Variants in ANXA8 observed in about 807,000 individuals in gnomAD.
The protein encoded by ANXA8 is VAC-beta.
In ANXA8, 9 loss-of-function variants were observed where a neutral mutation model predicts 26.8. The observed-to-expected ratio is 0.34, with a 90% CI of 0.20 to 0.59. The LOEUF (loss-of-function observed/expected upper bound fraction) is 0.59, where lower values mean the gene tolerates loss of function less well. Ranked by LOEUF, ANXA8 falls within the 20% of genes least tolerant of loss-of-function variation. The probability of loss-of-function intolerance (pLI) is 0.84; values close to 1 mark genes in which losing one functional copy is unlikely to be tolerated. For synonymous variants in ANXA8, 39 were observed against 94.8 expected, an observed-to-expected ratio of 0.41 and a Z score of 3.42; for missense variants, 83 against 238.5, an observed-to-expected ratio of 0.35 and a Z score of 4.29.
At chr10:47,657,239 T>A in the ANXA8 span, among the ~76,000 whole-genome samples, 1 of 151,718 alleles carries the variant, frequency 6.6e-6, no homozygotes, top group Non-Finnish European at 1.5e-5. Flanking sequence ...AATTTGTTTT[T>A]TAAATTTAGA....
At chr10:47,928,936 C>CT in the ANXA8 span, among the ~76,000 whole-genome samples, 129 of 89,504 alleles carry the variant, frequency 1.4e-3, 5 homozygotes, top group African/African-American at 5.8e-3. Context: ...AAAATTAAGT[C>CT]TTTTTTTTTT....
the ANXA8 span, among the ~76,000 whole-genome samples, chr10:47,552,608 A>G: frequency 6.6e-6 from 1 of 151,962 alleles, no homozygotes; most frequent in African/African-American, 2.4e-5. Flanking sequence ...ATGCCTGGAG[A>G]CCCCATGGAC....
the ANXA8 span, among the ~76,000 whole-genome samples, chr10:47,716,131 C>G: frequency 7.3e-6 from 1 of 136,934 alleles, no homozygotes; most frequent in Non-Finnish European, 1.5e-5. Context: ...AGTCTGGTCT[C>G]AAACTCCTGG....
chr10:47,615,566 G>A, the ANXA8 span, among the ~76,000 whole-genome samples: 199 of 70,412 alleles, frequency 2.8e-3, 62 homozygotes, highest in African/African-American at 8.1e-3. Context: ...GAACTAACTC[G>A]CCCAAAGTGG....
chr10:47,548,377 C>T, the ANXA8 span, among the ~76,000 whole-genome samples: 1 of 148,974 alleles, frequency 6.7e-6, no homozygotes, highest in Admixed American at 6.7e-5. Flanking sequence ...TCTCGCCTCA[C>T]CGCAACCTCC....
At chr10:47,700,156 G>A in the ANXA8 span, among the ~76,000 whole-genome samples, 2 of 151,876 alleles carry the variant, frequency 1.3e-5, no homozygotes, top group Non-Finnish European at 2.9e-5. Context: ...TGATACTAAA[G>A]CTCATATGGG....
At chr10:47,558,529 A>ATGTGTGTGTGTGTGTG in the ANXA8 span, among the ~76,000 whole-genome samples, 1 of 141,490 alleles carries the variant, frequency 7.1e-6, no homozygotes, top group Non-Finnish European at 1.5e-5. Flanking sequence ...GGGTTTTAAG[A>ATGTGTGTGTGTGTGTG]TGTGTGTGTG....
At chr10:47,970,834 C>T in the ANXA8 span, among the ~76,000 whole-genome samples, 10 of 151,212 alleles carry the variant, frequency 6.6e-5, no homozygotes, top group African/African-American at 2.4e-4. Context: ...GGGAGGATGG[C>T]GAAGGCTGGG....
chr10:47,521,978 C>T, the ANXA8 span, among the ~76,000 whole-genome samples: 24 of 150,800 alleles, frequency 1.6e-4, no homozygotes, highest in Middle Eastern at 3.4e-3. Context: ...GTAGAGACAG[C>T]GTTTCACCAT....
the ANXA8 span, chr10:47,510,129 C>T: frequency 2.6e-4 from 311 of 1,189,736 alleles, 22 homozygotes; most frequent in African/African-American, 3.8e-3. Flanking sequence ...AAATAATTTC[C>T]GAATAAAGGA....
At chr10:47,944,653 G>A in the ANXA8 span, among the ~76,000 whole-genome samples, 5 of 150,512 alleles carry the variant, frequency 3.3e-5, no homozygotes, top group African/African-American at 7.4e-5. Flanking sequence ...ATTTTATAAA[G>A]AGAAGTTCCC....
the ANXA8 span, among the ~76,000 whole-genome samples, chr10:47,595,277 G>C: frequency 1.4e-5 from 2 of 147,552 alleles, no homozygotes; most frequent in African/African-American, 5.3e-5. Flanking sequence ...TTCTAAATGT[G>C]GACATGAAAG....
At chr10:47,744,423 T>TG in the ANXA8 span, among the ~76,000 whole-genome samples, 186 of 6,376 alleles carry the variant, frequency 0.029, 4 homozygotes, top group East Asian at 0.056. Context: ...GGGGGGGGGT[T>TG]GGGGGGGAGG....
the ANXA8 span, among the ~76,000 whole-genome samples, chr10:47,554,110 A>AAAATAAATAAATAAATAAATAAATAAAT: frequency 7.7e-6 from 1 of 129,906 alleles, no homozygotes; most frequent in Non-Finnish European, 1.6e-5. Context: ...CATCTCTCAA[A>AAAATAAATAAATAAATAAATAAATAAAT]AAATAAATAA....
upstream of ANXA8, among the ~76,000 whole-genome samples, chr10:47,484,980 G>C (rs1840005981): frequency 6.8e-6 from 1 of 147,846 alleles, no homozygotes; most frequent in Non-Finnish European, 1.5e-5. Flanking sequence ...GCTCATCCTG[G>C]AGCCGCTGCA....
the ANXA8 span, among the ~76,000 whole-genome samples, chr10:47,777,483 C>T: frequency 1.3e-5 from 2 of 152,170 alleles, no homozygotes; most frequent in African/African-American, 4.8e-5. Flanking sequence ...GTGTATTGCC[C>T]TGGAACCCTT....
At chr10:47,565,075 C>G in the ANXA8 span, 1 of 766,242 alleles carries the variant, frequency 1.3e-6, no homozygotes, top group African/African-American at 1.7e-5. Flanking sequence ...CCGAAGACGC[C>G]TACAGGTTTG....
chr10:47,552,227 G>A, the ANXA8 span, among the ~76,000 whole-genome samples: 4 of 151,862 alleles, frequency 2.6e-5, no homozygotes, highest in South Asian at 8.3e-4. Context: ...TTTCTGCAAG[G>A]ATGGAAATAT....
the ANXA8 span, among the ~76,000 whole-genome samples, chr10:47,671,411 G>A: frequency 1.3e-5 from 2 of 151,576 alleles, no homozygotes; most frequent in African/African-American, 4.9e-5. Context: ...AACAGGACAA[G>A]ACCCTGTCTC....
Sources: gnomAD v4.1 joint callset for allele counts (sites outside exome capture counted in the v4.1 genomes callset) on GRCh38, gnomAD v4.1.1 for gene constraint, MANE v1.5 for transcripts, NCBI Gene and HGNC (gene_info 2026-07-23, HGNC 2026-07-21) for gene names.